Variants in CEP63 observed in about 807,000 individuals in gnomAD.
The protein encoded by CEP63 is centrosomal protein of 63 kDa.
In CEP63, 84 loss-of-function variants were observed where a neutral mutation model predicts 89.1. The ratio of observed to expected loss-of-function variants is 0.94; its 90% CI spans 0.79 to 1.13. The LOEUF (loss-of-function observed/expected upper bound fraction) is 1.13. CEP63 is among the 50% of genes most tolerant of loss of function. The pLI is 0.00. For missense variants in CEP63, 838 were observed against 813.3 expected (o/e 1.03, Z -0.37); for synonymous variants, 267 against 272.5 (o/e 0.98, Z 0.20).
downstream of CEP63, among the ~76,000 whole-genome samples, chr3:134,578,171 T>C (rs865941439): frequency 2.6e-5 from 4 of 152,212 alleles, no homozygotes; most frequent in Admixed American, 6.5e-5. Context: ...GTATTTCTGG[T>C]TCTAGATCCT....
chr3:134,571,010 A>C (rs1957986874), intron 11 of CEP63, among the ~76,000 whole-genome samples: 1 of 152,252 alleles, frequency 6.6e-6, no homozygotes, highest in South Asian at 2.1e-4. Flanking sequence ...TGTCATGAGA[A>C]CAGCACAAGA....
chr3:134,635,402 C>T, the CEP63 span, among the ~76,000 whole-genome samples: 1 of 145,504 alleles, frequency 6.9e-6, no homozygotes, highest in Non-Finnish European at 1.5e-5. Context: ...GAGGCTGAGG[C>T]AGGAGAATCG....
the CEP63 span, among the ~76,000 whole-genome samples, chr3:134,757,854 T>G: frequency 1.3e-5 from 2 of 152,110 alleles, no homozygotes; most frequent in Non-Finnish European, 2.9e-5. Flanking sequence ...AGCAAAGTTC[T>G]GAGCACTTCC....
chr3:134,541,553 T>C (rs1178020755), intron 6 of CEP63, among the ~76,000 whole-genome samples: 1 of 150,506 alleles, frequency 6.6e-6, no homozygotes, highest in African/African-American at 2.5e-5. Context: ...TTCGCTCTTG[T>C]TGCCCAGGCT....
the CEP63 span, among the ~76,000 whole-genome samples, chr3:134,743,682 A>G: frequency 1.3e-5 from 2 of 152,156 alleles, no homozygotes; most frequent in Non-Finnish European, 2.9e-5. Flanking sequence ...ACATCAGACC[A>G]GTCATCTTCA....
chr3:134,495,241 A>C, intron 1 of CEP63, 55 bp from the exon 2 acceptor site: 1 of 1,207,954 alleles, frequency 8.3e-7, no homozygotes, highest in Non-Finnish European at 1.2e-6. Flanking sequence ...GTAAGTTAGA[A>C]TGTTAGAACT....
the CEP63 span, among the ~76,000 whole-genome samples, chr3:134,746,271 A>G: frequency 1.3e-5 from 2 of 152,108 alleles, no homozygotes; most frequent in African/African-American, 4.8e-5. Context: ...TTATGGCTGC[A>G]TAGTATTCCA....
chr3:134,677,985 C>T, the CEP63 span, among the ~76,000 whole-genome samples: 3 of 151,976 alleles, frequency 2.0e-5, no homozygotes, highest in African/African-American at 7.2e-5. Flanking sequence ...TCCAGTTCCC[C>T]TTCTTGCACT....
chr3:134,501,857 A>G (rs1317710019), intron 2 of CEP63, among the ~76,000 whole-genome samples: 1 of 152,164 alleles, frequency 6.6e-6, no homozygotes, highest in African/African-American at 2.4e-5. Flanking sequence ...TAGGACATCA[A>G]GTACTAGGTT....
At chr3:134,495,486 T>C (rs1939511400) in intron 2 of CEP63, 122 bp downstream of exon 2, 2 of 690,648 alleles carry the variant, frequency 2.9e-6, no homozygotes, top group African/African-American at 3.6e-5. Context: ...GTATTTAGTA[T>C]ACCTATCAGC....
Position 134,562,594 on chromosome 3 carries a change from C to G in CEP63, c.*1059C>G, listed in dbSNP as rs1053977790. 6.6e-6 allele frequency: 1 copy of G among 152,046 alleles called. No homozygotes were observed. Among genetic ancestry groups the G allele is most frequent in the Non-Finnish European group, 1.5e-5 (1 of 68,018 alleles). The allele number at this position is 152,046 out of a possible 1,614,324, so 9.4% of individuals were successfully genotyped here. ...CTCTGTATGTTTGCTTCCCTTCACC[C>G]AAACACTTCTGGAAAGAGTTGTCTG... On this transcript the variant is annotated 3_prime_UTR_variant, in exon 15 of 15. Transcript: ENST00000675561.
At chr3:134,586,204 T>C (rs1300903842) in intron 10 of CEP63, among the ~76,000 whole-genome samples, 1 of 152,208 alleles carries the variant, frequency 6.6e-6, no homozygotes, top group East Asian at 1.9e-4. Flanking sequence ...TTAAGGTTAA[T>C]ATTGTTATGT....
chr3:134,604,501 G>C, the CEP63 span: 1 of 1,581,940 alleles, frequency 6.3e-7, no homozygotes, highest in African/African-American at 1.3e-5. Context: ...AGGGTCAGCA[G>C]AGATGGGTCC....
intron 13 of CEP63, 110 bp from the exon 14 acceptor site, chr3:134,559,040 A>T: frequency 1.8e-6 from 2 of 1,118,560 alleles, no homozygotes; most frequent in Non-Finnish European, 2.6e-6. Context: ...CTCATTTTGT[A>T]AATTGTAGCC....
the CEP63 span, among the ~76,000 whole-genome samples, chr3:134,656,082 G>A: frequency 6.6e-6 from 1 of 152,190 alleles, no homozygotes; most frequent in East Asian, 1.9e-4. Flanking sequence ...ACGTTTCCCA[G>A]CACAGATGAC....
chr3:134,626,646 T>C, the CEP63 span, among the ~76,000 whole-genome samples: 3 of 152,048 alleles, frequency 2.0e-5, no homozygotes, highest in Non-Finnish European at 4.4e-5. Flanking sequence ...GGGGAGAAGG[T>C]GGGGAGGGGT....
intron 10 of CEP63, among the ~76,000 whole-genome samples, chr3:134,586,913 C>T (rs1321692381): frequency 6.6e-6 from 1 of 152,084 alleles, no homozygotes; most frequent in African/African-American, 2.4e-5. Context: ...TTTCTCTAAT[C>T]TTATCTTCTT....
the CEP63 span, among the ~76,000 whole-genome samples, chr3:134,717,039 A>G: frequency 1.7e-4 from 26 of 152,282 alleles, no homozygotes. Flanking sequence ...TATTTGGAAA[A>G]AAGGCAGAGG....
intron 3 of CEP63, among the ~76,000 whole-genome samples, chr3:134,515,910 G>C (rs181183408): frequency 1.3e-5 from 2 of 152,318 alleles, no homozygotes; most frequent in East Asian, 3.9e-4. Flanking sequence ...GTGGCTTACA[G>C]GTTGGACAAG....
Sources: allele counts gnomAD v4.1 joint callset (sites outside exome capture counted in the v4.1 genomes callset), GRCh38; gene constraint gnomAD v4.1.1; transcripts MANE v1.5; gene names NCBI Gene and HGNC (gene_info 2026-07-23, HGNC 2026-07-21).